FRAS1: variants seen among roughly 807,000 people sequenced by gnomAD.
The protein encoded by FRAS1 is Fraser extracellular matrix complex subunit 1, also known as extracellular matrix organizing protein FRAS1.
Under a neutral mutation model 435.2 loss-of-function variants are expected in FRAS1, and 290 were observed. The ratio of observed to expected loss-of-function variants is 0.67; its 90% CI spans 0.61 to 0.73. The LOEUF (loss-of-function observed/expected upper bound fraction) is 0.73, where lower values mean the gene tolerates loss of function less well. Ranked by LOEUF, FRAS1 falls within the 30% of genes least tolerant of loss-of-function variation. The pLI is 0.00. For synonymous variants in FRAS1, 1,800 were observed against 1,851.0 expected (o/e 0.97, Z 0.71); for missense variants, 4,860 against 5,001.5 (o/e 0.97, Z 0.85).
chr4:78,357,511 C>T (rs916052215), intron 20 of FRAS1, among the ~76,000 whole-genome samples: 1 of 152,138 alleles, frequency 6.6e-6, no homozygotes, highest in African/African-American at 2.4e-5. Context: ...TTTTCTTCCC[C>T]TTCAGTTTGA....
chr4:78,195,715 G>A (rs1034529423), intron 2 of FRAS1, among the ~76,000 whole-genome samples: 7 of 152,232 alleles, frequency 4.6e-5, no homozygotes, highest in South Asian at 4.2e-4. Context: ...GACCCCTTGC[G>A]CTTCCCCGGA....
chr4:78,540,994 A>G lies in FRAS1; in HGVS notation c.11909A>G (p.Tyr3970Cys), dbSNP rs1326739900. The change falls in exon 74 of 74, where the codon TAC becomes TGC. Residue 3970 changes from tyrosine to cysteine, a missense_variant. Physicochemically the swap from Tyr to Cys is radical, Grantham distance 194. Transcript: ENST00000512123. ...DRVEKNVNRH[Y>C]CTVRNVNILS... is the part of the protein sequence containing the mutation. ...GTGGAGAAGAACGTGAATAGACACT[A>G]CTGCACTGTGCGGAACGTCAACATC... 2 of 1,605,650 alleles carry G rather than the reference A, an allele frequency of 1.2e-6. No homozygotes were observed. Among genetic ancestry groups the G allele is most frequent in the Admixed American group, 1.7e-5 (1 of 59,172 alleles).
At position 78,400,840 on chromosome 4, in the gene FRAS1, G is replaced by A; in HGVS notation, c.4082G>A (p.Ser1361Asn). The A allele has an allele frequency of 1.2e-6, 2 of 1,613,738 alleles. No homozygotes were observed. The highest frequency in any genetic ancestry group is 8.5e-7 in the Non-Finnish European group (1 of 1,179,774). Reference protein sequence around the residue: ...RILQAEAPGASAEEIIYKITQ... With the variant: ...RILQAEAPGANAEEIIYKITQ... ...TTACAGGCCGAGGCTCCTGGTGCCA[G>A]TGCTGAAGAAATCATCTACAAGATT... The change falls in exon 30 of 74, where the codon AGT becomes AAT. Residue 1361 changes from serine to asparagine, a missense_variant. Physicochemically the swap from Ser to Asn is conservative, Grantham distance 46. Coordinates refer to ENST00000512123, the MANE Select transcript of FRAS1 (RefSeq NM_025074.7).
At chr4:78,362,192 T>C (rs1464364837) in intron 20 of FRAS1, among the ~76,000 whole-genome samples, 1 of 152,194 alleles carries the variant, frequency 6.6e-6, no homozygotes, top group Non-Finnish European at 1.5e-5. Context: ...CTTCATAACT[T>C]TATCTCCAGT....
chr4:78,502,692 T>C (rs1398715504), intron 61 of FRAS1, among the ~76,000 whole-genome samples: 1 of 152,216 alleles, frequency 6.6e-6, no homozygotes, highest in Non-Finnish European at 1.5e-5. Flanking sequence ...TTTTCCTAAT[T>C]GAATACCCTT....
At chr4:78,194,934 G>A (rs1722732282) in intron 2 of FRAS1, among the ~76,000 whole-genome samples, 1 of 152,158 alleles carries the variant, frequency 6.6e-6, no homozygotes, top group African/African-American at 2.4e-5. Flanking sequence ...TGGTGGTGAT[G>A]TACAGATGGG....
rs1338738169 is a variant in FRAS1, at chr4:78,281,578, TA to T, written c.1107+147del. ...CACTATGATCAGGAATTAAGAATCT[TA>T]ATGATAACTCAGACTTTGATGCATT... On this transcript the variant is annotated intron_variant, in intron 11 of 73. Transcript: ENST00000512123. The T allele has an allele frequency of 5.6e-6, 3 of 537,818 alleles. No homozygotes were observed. The African/African-American group carries it at 6.0e-5, about 11-fold the overall frequency. 33.3% of individuals were successfully genotyped at this position (537,818 alleles called of 1,614,324 possible).
chr4:78,521,544 T>C lies in FRAS1; in HGVS notation c.10562T>C (p.Leu3521Pro). ...WRTGIQTDSV[L>P]SARLQIIRIY... ...CCAGGAATCCAGACAGACAGCGTGC[T>C]CTCTGCAAGGCTTCAGATAATAAGA... Residue 3521 changes from leucine (L) to proline (P), a missense_variant, in exon 68 of 74, where the codon CTC (leucine) becomes CCC (proline). By Grantham distance (98) the Leu-to-Pro change is moderately conservative. Coordinates refer to ENST00000512123, the MANE Select transcript of FRAS1 (RefSeq NM_025074.7). 1.2e-6 allele frequency: 2 copies of C among 1,610,088 alleles called. No individual in the cohort carries two copies. The highest frequency in any genetic ancestry group is 1.7e-6 in the Non-Finnish European group (2 of 1,178,308).
At chr4:78,164,100 T>G (rs943452156) in intron 2 of FRAS1, among the ~76,000 whole-genome samples, 6 of 152,160 alleles carry the variant, frequency 3.9e-5, no homozygotes, top group Non-Finnish European at 7.4e-5. Flanking sequence ...GCAGGTCAAG[T>G]CAGAGTCCCT....
chr4:78,272,525 C>T (rs1452243975), intron 9 of FRAS1, among the ~76,000 whole-genome samples: 2 of 152,206 alleles, frequency 1.3e-5, no homozygotes, highest in African/African-American at 4.8e-5. Context: ...CAGCCTTCTA[C>T]ATATGGCTAG....
intron 2 of FRAS1, among the ~76,000 whole-genome samples, chr4:78,076,977 A>G (rs1740666815): frequency 6.6e-6 from 1 of 152,244 alleles, no homozygotes; most frequent in African/African-American, 2.4e-5. Flanking sequence ...GCATCAAGGC[A>G]TGTGTATTCC....
chr4:78,153,105 G>A (rs1720738568), intron 2 of FRAS1, among the ~76,000 whole-genome samples: 1 of 152,052 alleles, frequency 6.6e-6, no homozygotes, highest in Admixed American at 6.6e-5. Flanking sequence ...CCACACTGAT[G>A]CTGCAATGAT....
At position 78,181,797 on chromosome 4, in the gene FRAS1, G is replaced by A. The variant is rs539678665; in HGVS notation, c.109-55713G>A. ...TTCTTGTCAACCACGCCAACGCTGC[G>A]GGGCAGCGGGTTCTTGCGGTCTTTC... On this transcript the variant is annotated intron_variant, in intron 2 of 73. Coordinates refer to ENST00000512123, the MANE Select transcript of FRAS1 (RefSeq NM_025074.7). The A allele has an allele frequency of 1.7e-4, 269 of 1,612,076 alleles. 1 individual carries two copies. The highest frequency in any genetic ancestry group is 1.3e-3 in the Admixed American group (79 of 60,008).
intron 2 of FRAS1, among the ~76,000 whole-genome samples, chr4:78,102,738 A>T (rs1485220423): frequency 6.6e-6 from 1 of 152,162 alleles, no homozygotes. Flanking sequence ...TCTCTGTCAG[A>T]TATACCTAAA....
rs376808560 is a variant in FRAS1 at position 78,286,482 on chromosome 4, G to A, written c.1477G>A (p.Gly493Arg). The change falls in exon 14 of 74, where the codon GGG (glycine) becomes AGG (arginine). Residue 493 changes from glycine to arginine, a missense_variant. Coordinates refer to ENST00000512123, the MANE Select transcript of FRAS1 (RefSeq NM_025074.7). Reference protein sequence around the residue: ...SCQPPLLMRHGQCVPTCGDGF... With the variant: ...SCQPPLLMRHRQCVPTCGDGF... ...CCAGCCTCCCCTGCTGATGCGGCAC[G>A]GGCAGTGTGTGCCTACCTGTGGGGA... is the stretch of plus-strand genomic sequence containing the variant. The A allele has an allele frequency of 3.5e-5, 56 of 1,613,516 alleles. No homozygotes were observed. In the African/African-American group the frequency reaches 4.4e-4, roughly 13 times the overall value.
intron 69 of FRAS1, among the ~76,000 whole-genome samples, chr4:78,524,422 G>A (rs1327248108): frequency 2.0e-5 from 3 of 152,198 alleles, no homozygotes; most frequent in African/African-American, 7.2e-5. Flanking sequence ...AGAGGCTGGG[G>A]AGTTGTATAA....
chr4:78,424,034 T>C (rs893578818), intron 34 of FRAS1, among the ~76,000 whole-genome samples: 2 of 152,180 alleles, frequency 1.3e-5, no homozygotes, highest in African/African-American at 4.8e-5. Flanking sequence ...TACAATGGAA[T>C]TGACCCACCT....
At chr4:78,376,364 G>A (rs901289224) in intron 26 of FRAS1, among the ~76,000 whole-genome samples, 1 of 152,114 alleles carries the variant, frequency 6.6e-6, no homozygotes, top group African/African-American at 2.4e-5. Context: ...TGAGTGTACT[G>A]AATACTGTAG....
rs147366904 is a variant in FRAS1 at position 78,544,181 on chromosome 4, A to G, written c.*3057A>G. 4.6e-5 allele frequency: 7 copies of G among 152,796 alleles called. No homozygotes were observed. The East Asian group carries it at 1.3e-3, about 29-fold the overall frequency. 9.5% of individuals were successfully genotyped at this position (152,796 alleles called of 1,614,324 possible). On this transcript the variant is annotated 3_prime_UTR_variant, in exon 74 of 74. Coordinates refer to ENST00000512123, the MANE Select transcript of FRAS1 (RefSeq NM_025074.7). ...CTCAAATGATTTTTGTATTTCCAAT[A>G]TGAATTTGTGTGTTATGAATTTCTG... is the stretch of plus-strand genomic sequence containing the variant.
Sources: gnomAD v4.1 joint callset for allele counts (sites outside exome capture counted in the v4.1 genomes callset) on GRCh38, gnomAD v4.1.1 for gene constraint, MANE v1.5 for transcripts, NCBI Gene and HGNC (gene_info 2026-07-23, HGNC 2026-07-21) for gene names.